CAPZA1: variants seen among roughly 807,000 people sequenced by gnomAD.
CAPZA1 encodes capping actin protein of muscle Z-line subunit alpha 1, also known as F-actin-capping protein subunit alpha-1.
In CAPZA1, 10 loss-of-function variants were observed where a neutral mutation model predicts 40.8. The observed-to-expected ratio is 0.25, with a 90% CI of 0.15 to 0.42. The LOEUF is 0.42. CAPZA1 is among the 10% of genes least tolerant of loss of function. The pLI, the probability that CAPZA1 is intolerant of heterozygous loss-of-function variation, is 1.00. For synonymous variants in CAPZA1, 98 were observed against 115.0 expected (o/e 0.85, Z 0.95); for missense variants, 277 against 353.8 (o/e 0.78, Z 1.74).
chr1:112,670,357 T>TTTTTC lies in CAPZA1; in HGVS notation c.*230_*234dup. 1 of 353,286 alleles carries TTTTTC rather than the reference T, an allele frequency of 2.8e-6. No homozygotes were observed. The highest frequency in any genetic ancestry group is 4.4e-5 in the South Asian group (1 of 22,622). 21.9% of individuals were successfully genotyped at this position (353,286 alleles called of 1,614,324 possible). A position where few individuals can be genotyped will look rare whatever the true frequency, so the allele number is the denominator to read the frequency against. ...ACTGCTATATCTACGTGTAAATCTT[T>TTTTTC]TTTTCTTTTTTTTTTTTTTTTTTTG... On this transcript the variant is annotated 3_prime_UTR_variant, in exon 10 of 10. Transcript: ENST00000263168.
rs372269801 is a variant in CAPZA1 at position 112,632,253 on chromosome 1, C to T, written c.39+12370C>T. 2.5e-4 allele frequency among the ~76,000 whole-genome samples: 38 copies of T among 152,078 alleles called. No individual in the cohort carries two copies. In the East Asian group the frequency reaches 3.1e-3, roughly 12 times the overall value. ...AACCCGGGAGGTGGAGGTTGCAGTG[C>T]GCCAACATCACGCCACTGCACTCCA... On this transcript the variant is annotated intron_variant, in intron 1 of 9. Transcript: ENST00000263168.
At position 112,654,637 on chromosome 1, in the gene CAPZA1, A is replaced by G; in HGVS notation, c.392A>G (p.Tyr131Cys). The G allele has an allele frequency of 1.2e-6, 2 of 1,613,196 alleles. No homozygotes were observed. The highest frequency in any genetic ancestry group is 1.7e-6 in the Non-Finnish European group (2 of 1,179,420). ...TCCTGTGACAGTGCTTTAAGAGCCT[A>G]TGTGAAAGACCATTATTCCAACGGC... is the stretch of plus-strand genomic sequence containing the variant. ...RESCDSALRA[Y>C]VKDHYSNGFC... Residue 131 changes from tyrosine to cysteine, a missense_variant, in exon 5 of 10, where the codon TAT becomes TGT. Around this residue, in one of 2 missense-constraint regions of CAPZA1, gnomAD observed 192 missense variants for 277.2 expected, o/e 0.69. Coordinates refer to ENST00000263168, the MANE Select transcript of CAPZA1 (RefSeq NM_006135.3).
intron 8 of CAPZA1, 74 bp from the exon 9 acceptor site, chr1:112,669,469 G>T (rs1671787293): frequency 1.0e-6 from 1 of 996,278 alleles, no homozygotes; most frequent in Non-Finnish European, 1.6e-6. Flanking sequence ...AGTTAAGATG[G>T]ACTTACTTTC....
In CAPZA1 at chr1:112,628,674, C is replaced by T. The variant is rs182017415; in HGVS notation, c.39+8791C>T. ...CTCTAGATAGGTTCATTTGTTATCA[C>T]ATTACTAGCAGGGGAGTTTTGCAGG... On this transcript the variant is annotated intron_variant, in intron 1 of 9. Coordinates refer to ENST00000263168, the MANE Select transcript of CAPZA1 (RefSeq NM_006135.3). 4.1e-3 allele frequency among the ~76,000 whole-genome samples: 623 copies of T among 152,330 alleles called. 3 individuals carry two copies. The highest frequency in any genetic ancestry group is 0.014 in the African/African-American group (601 of 41,568).
intron 5 of CAPZA1, among the ~76,000 whole-genome samples, chr1:112,658,055 A>T (rs1178427588): frequency 6.6e-6 from 1 of 152,218 alleles, no homozygotes; most frequent in African/African-American, 2.4e-5. Flanking sequence ...TTCCTGAGTG[A>T]CCTTAGGCAA....
At position 112,654,635 on chromosome 1, in the gene CAPZA1, C is replaced by T; in HGVS notation, c.390C>T (p.Ala130=). The change falls in exon 5 of 10, where the codon GCC becomes GCT. Residue 130 remains alanine, a synonymous_variant. Coordinates refer to ENST00000263168, the MANE Select transcript of CAPZA1 (RefSeq NM_006135.3). ...WRESCDSALR[A]YVKDHYSNGF... is the part of the protein sequence containing the mutation. ...AATCCTGTGACAGTGCTTTAAGAGC[C>T]TATGTGAAAGACCATTATTCCAACG... 1 of 1,613,042 alleles carries T rather than the reference C, an allele frequency of 6.2e-7. No individual in the cohort carries two copies. The highest frequency in any genetic ancestry group is 1.1e-5 in the South Asian group (1 of 91,002).
At position 112,638,657 on chromosome 1, in the gene CAPZA1, G is replaced by A. The variant is rs901891638; in HGVS notation, c.40-8553G>A. Among the ~76,000 whole-genome samples, 3 of 152,080 alleles carry A rather than the reference G, an allele frequency of 2.0e-5. No individual in the cohort carries two copies. In the East Asian group the frequency reaches 5.8e-4, roughly 30 times the overall value. Reference sequence around the variant, plus strand: ...AGTGAGTATGTAAATATATCAGGCCGGGCACAGTGGCTCGCATCTGTAATC... The same window carrying A: ...AGTGAGTATGTAAATATATCAGGCCAGGCACAGTGGCTCGCATCTGTAATC... On this transcript the variant is annotated intron_variant, in intron 1 of 9. Transcript: ENST00000263168.
intron 2 of CAPZA1, among the ~76,000 whole-genome samples, chr1:112,649,114 T>C (rs1033293676): frequency 9.2e-5 from 14 of 152,222 alleles, no homozygotes; most frequent in Non-Finnish European, 1.5e-4. Flanking sequence ...ACGCCTGCAA[T>C]TCTTAATCTA....
At chr1:112,629,164 A>G (rs1241260034) in intron 1 of CAPZA1, among the ~76,000 whole-genome samples, 1 of 152,142 alleles carries the variant, frequency 6.6e-6, no homozygotes, top group Non-Finnish European at 1.5e-5. Flanking sequence ...CTCTGACTTT[A>G]TCTCCTACAT....
At position 112,670,250 on chromosome 1, in the gene CAPZA1, G is replaced by A. The variant is rs1671802129; in HGVS notation, c.*118G>A. 41 of 1,162,004 alleles carry A rather than the reference G, an allele frequency of 3.5e-5. No homozygotes were observed. Among genetic ancestry groups the A allele is most frequent in the South Asian group, 2.5e-4 (17 of 67,342 alleles). 72.0% of individuals were successfully genotyped at this position (1,162,004 alleles called of 1,614,324 possible). ...TTTGCTAGGGCTTTCAAAGTTAACC[G>A]GTTTTCTAGCCTCATGGAATACTGT... is the stretch of plus-strand genomic sequence containing the variant. On this transcript the variant is annotated 3_prime_UTR_variant, in exon 10 of 10. Coordinates refer to ENST00000263168, the MANE Select transcript of CAPZA1 (RefSeq NM_006135.3).
chr1:112,671,592 G>A lies in CAPZA1; in HGVS notation c.*1460G>A, dbSNP rs1276090154. The A allele has an allele frequency of 6.6e-6, 1 of 152,518 alleles. No individual in the cohort carries two copies. The highest frequency in any genetic ancestry group is 1.5e-5 in the Non-Finnish European group (1 of 68,022). 9.4% of individuals were successfully genotyped at this position (152,518 alleles called of 1,614,324 possible). On this transcript the variant is annotated 3_prime_UTR_variant, in exon 10 of 10. Transcript: ENST00000263168. ...ATCTTCTGTATCAGGTAGTCTAATA[G>A]AAATATACCTGTTTTGTTCTAAAAT...
intron 9 of CAPZA1, 88 bp from the exon 10 acceptor site, chr1:112,669,904 A>G (rs1671797070): frequency 7.0e-7 from 1 of 1,429,448 alleles, no homozygotes; most frequent in African/African-American, 1.4e-5. Context: ...AGGGGACTCA[A>G]GCATATCCAT....
chr1:112,651,822 G>C (rs1360886126), intron 3 of CAPZA1, among the ~76,000 whole-genome samples: 3 of 152,158 alleles, frequency 2.0e-5, no homozygotes, highest in South Asian at 4.1e-4. Context: ...GTAAAACACA[G>C]TAATAACTTT....
intron 1 of CAPZA1, among the ~76,000 whole-genome samples, chr1:112,642,999 G>A (rs186633596): frequency 6.6e-6 from 1 of 152,142 alleles, no homozygotes; most frequent in Admixed American, 6.5e-5. Context: ...ACACTTGACC[G>A]AGGAGTTTTA....
At chr1:112,619,918 C>G (rs764315909) in intron 1 of CAPZA1, 35 bp downstream of exon 1, 3 of 1,569,178 alleles carry the variant, frequency 1.9e-6, no homozygotes, top group African/African-American at 1.4e-5. Context: ...ACCTCCTCCC[C>G]CGACAGGGAA....
chr1:112,621,290 T>G lies in CAPZA1; in HGVS notation c.39+1407T>G, dbSNP rs1031625688. On this transcript the variant is annotated intron_variant, in intron 1 of 9. Coordinates refer to ENST00000263168, the MANE Select transcript of CAPZA1 (RefSeq NM_006135.3). The stretch of plus-strand genomic sequence containing the variant: ...TCCTGTTACAATACAACTAAACAAT[T>G]TTTTTTTTTTTTTGAGACGGAGTCT... Among the ~76,000 whole-genome samples the G allele has an allele frequency of 3.8e-4, 3 of 7,796 alleles. No homozygotes were observed. In the Admixed American group the frequency reaches 7.1e-3, roughly 18 times the overall value. The allele number at this position is 7,796 out of a possible 152,430, so 5.1% of individuals were successfully genotyped here. A position where few individuals can be genotyped will look rare whatever the true frequency, so the allele number is the denominator to read the frequency against.
intron 1 of CAPZA1, among the ~76,000 whole-genome samples, chr1:112,633,053 T>C (rs1467987343): frequency 6.6e-6 from 1 of 152,220 alleles, no homozygotes; most frequent in Non-Finnish European, 1.5e-5. Flanking sequence ...AAATAATATT[T>C]AGTTTATTTA....
At chr1:112,654,202 G>A (rs1671453919) in intron 4 of CAPZA1, among the ~76,000 whole-genome samples, 2 of 152,034 alleles carry the variant, frequency 1.3e-5, no homozygotes, top group Non-Finnish European at 2.9e-5. Flanking sequence ...TATGTATAAA[G>A]TACATATATA....
chr1:112,644,184 CTTTTTTT>C (rs60802838), intron 1 of CAPZA1, among the ~76,000 whole-genome samples: 7 of 56,782 alleles, frequency 1.2e-4, no homozygotes, highest in African/African-American at 5.5e-4. Flanking sequence ...CTTCTCCCAG[CTTTTTTT>C]TTTTTTTTTT....
Sources: gnomAD v4.1 joint callset for allele counts (sites outside exome capture counted in the v4.1 genomes callset) on GRCh38, gnomAD v4.1.1 for gene constraint, gnomAD v4.1.1 regional missense constraint, MANE v1.5 for transcripts, NCBI Gene and HGNC (gene_info 2026-07-23, HGNC 2026-07-21) for gene names.